Variants in DNAAF4 observed in about 807,000 individuals in gnomAD.
DNAAF4 encodes dynein assembly factor 4, axonemal.
DNAAF4 carries 43 observed loss-of-function variants against 51.8 expected under a neutral mutation model. That is an observed-to-expected ratio of 0.83 (90% confidence interval 0.65 to 1.07). DNAAF4 has a LOEUF of 1.07. DNAAF4 is among the 50% of genes least tolerant of loss of function. The pLI is 0.00. For synonymous variants in DNAAF4, 194 were observed against 165.6 expected, an observed-to-expected ratio of 1.17 and a Z score of -1.32; for missense variants, 581 against 493.0, an observed-to-expected ratio of 1.18 and a Z score of -1.69.
At chr15:55,501,186 C>G (rs1440014117) in intron 1 of DNAAF4, among the ~76,000 whole-genome samples, 1 of 149,656 alleles carries the variant, frequency 6.7e-6, no homozygotes, top group Non-Finnish European at 1.5e-5. Flanking sequence ...GCCTCAGCCT[C>G]CTGAGTAGCT....
At chr15:55,491,592 G>A (rs1200875173) in intron 3 of DNAAF4, among the ~76,000 whole-genome samples, 1 of 146,492 alleles carries the variant, frequency 6.8e-6, no homozygotes, top group African/African-American at 2.5e-5. Flanking sequence ...AGAAACTAGG[G>A]CTATTTGCTT....
At chr15:55,422,441 G>A (rs2057396635) in intron 7 of DNAAF4, among the ~76,000 whole-genome samples, 1 of 152,142 alleles carries the variant, frequency 6.6e-6, no homozygotes, top group African/African-American at 2.4e-5. Flanking sequence ...AGTGTAGGTA[G>A]AAAACAGACC....
At position 55,450,246 on chromosome 15, in the gene DNAAF4, T is replaced by C. The variant is rs758622057; in HGVS notation, c.759A>G (p.Glu253=). 1 of 1,612,710 alleles carries C rather than the reference T, an allele frequency of 6.2e-7. No individual in the cohort carries two copies. Among genetic ancestry groups the C allele is most frequent in the Non-Finnish European group, 8.5e-7 (1 of 1,179,744 alleles). The change falls in exon 6 of 10, where the codon GAA becomes GAG. Residue 253 remains glutamate (E), a synonymous_variant. Coordinates refer to ENST00000321149, the MANE Select transcript of DNAAF4 (RefSeq NM_130810.4). ...TPRVFPTALR[E]SQVAEEEEWL... ...CCTCCTCCTCTTCTGCTACTTGTGA[T>C]TCACGAAGAGCTGTTGGGAATACTC...
At chr15:55,433,820 TTA>T (rs1178501457) in intron 8 of DNAAF4, among the ~76,000 whole-genome samples, 7 of 86,082 alleles carry the variant, frequency 8.1e-5, no homozygotes, top group Admixed American at 4.0e-4. Flanking sequence ...ATAATATATA[TTA>T]TATATATTAC....
chr15:55,434,808 C>T (rs1431457869), intron 8 of DNAAF4, 97 bp downstream of exon 8: 1 of 1,042,002 alleles, frequency 9.6e-7, no homozygotes, highest in African/African-American at 1.7e-5. Context: ...ATCTTTGCAT[C>T]TCAATTATTT....
intron 5 of DNAAF4, among the ~76,000 whole-genome samples, chr15:55,452,812 C>T (rs190724099): frequency 1.1e-3 from 160 of 152,232 alleles, no homozygotes; most frequent in African/African-American, 3.6e-3. Context: ...ATTTTAGATG[C>T]AAATAGATTA....
At chr15:55,450,123 A>C in intron 6 of DNAAF4, 99 bp downstream of exon 6, 5 of 1,278,064 alleles carry the variant, frequency 3.9e-6, no homozygotes, top group East Asian at 2.5e-5. Flanking sequence ...TAGTGTAATA[A>C]ATACTTAAGA....
rs755135568 is a variant in DNAAF4, at chr15:55,467,136, A to AT, written c.430dup (p.Ile144AsnfsTer8). On this transcript the variant is annotated frameshift_variant, in exon 5 of 10. Coordinates refer to ENST00000321149, the MANE Select transcript of DNAAF4 (RefSeq NM_130810.4). LOFTEE classifies it high-confidence loss of function. ...CCGTTCATTTTCTTTCATATCTTCTATTTTTTTCCTCTCTTCTTCTTCAAT... is the reference window on the plus strand; with the variant it reads ...CCGTTCATTTTCTTTCATATCTTCTATTTTTTTTCCTCTCTTCTTCTTCAAT... 7.1e-6 allele frequency: 11 copies of AT among 1,538,654 alleles called. No individual in the cohort carries two copies. The highest frequency in any genetic ancestry group is 9.6e-6 in the Non-Finnish European group (11 of 1,147,614).
chr15:55,448,752 C>A lies in DNAAF4; in HGVS notation c.783+1470G>T, dbSNP rs2057882958. On this transcript the variant is annotated intron_variant, in intron 6 of 9. Transcript: ENST00000321149. ...GGGCGTGGCGGTGGGCACCTGTAGT[C>A]CCAGCTACTCGGGAGGCTGAGGCAA... 2.0e-5 allele frequency among the ~76,000 whole-genome samples: 3 copies of A among 151,200 alleles called. No individual in the cohort carries two copies. In the Admixed American group the frequency reaches 2.0e-4, roughly 10 times the overall value.
chr15:55,503,268 T>G (rs919155096), intron 1 of DNAAF4, among the ~76,000 whole-genome samples: 3 of 152,102 alleles, frequency 2.0e-5, no homozygotes, highest in African/African-American at 7.2e-5. Flanking sequence ...GGCTCTGCAA[T>G]TGAAGCAATA....
chr15:55,505,464 C>A (rs939144113), intron 1 of DNAAF4, among the ~76,000 whole-genome samples: 4 of 152,126 alleles, frequency 2.6e-5, no homozygotes, highest in African/African-American at 9.7e-5. Context: ...GACACATGCA[C>A]ACGTATGTTT....
At chr15:55,457,431 A>G (rs1283549718) in intron 5 of DNAAF4, among the ~76,000 whole-genome samples, 1 of 152,050 alleles carries the variant, frequency 6.6e-6, no homozygotes, top group Non-Finnish European at 1.5e-5. Flanking sequence ...CCCAGACCCA[A>G]CTAACCTTGC....
At chr15:55,446,306 G>GA (rs1376635880) in intron 6 of DNAAF4, among the ~76,000 whole-genome samples, 2 of 116,994 alleles carry the variant, frequency 1.7e-5, no homozygotes, top group African/African-American at 7.3e-5. Context: ...CGGGGGGGGG[G>GA]GGCAGCTGGG....
At chr15:55,498,920 A>G (rs1235895093) in intron 1 of DNAAF4, among the ~76,000 whole-genome samples, 3 of 151,094 alleles carry the variant, frequency 2.0e-5, no homozygotes, top group Admixed American at 6.6e-5. Context: ...TCAAAAAAAA[A>G]AAAAGAAAAG....
intron 8 of DNAAF4, among the ~76,000 whole-genome samples, chr15:55,433,969 T>TATAATA (rs2057559989): frequency 2.4e-4 from 11 of 46,514 alleles, no homozygotes; most frequent in Admixed American, 1.9e-3. Context: ...ATATAATATA[T>TATAATA]TTTATATATT....
intron 5 of DNAAF4, among the ~76,000 whole-genome samples, chr15:55,457,710 A>C (rs1257584138): frequency 6.6e-6 from 1 of 152,162 alleles, no homozygotes; most frequent in Non-Finnish European, 1.5e-5. Context: ...GAGGTCCTGA[A>C]TCTGTCCACG....
At chr15:55,436,636 T>A (rs1054583771) in intron 7 of DNAAF4, among the ~76,000 whole-genome samples, 3 of 152,072 alleles carry the variant, frequency 2.0e-5, no homozygotes, top group Non-Finnish European at 4.4e-5. Flanking sequence ...CCACCCACCT[T>A]GGCCTCCCAG....
chr15:55,455,550 G>T (rs560080343), intron 5 of DNAAF4, among the ~76,000 whole-genome samples: 2 of 151,784 alleles, frequency 1.3e-5, no homozygotes, highest in South Asian at 4.2e-4. Flanking sequence ...TCCTGCCTCA[G>T]CCTCCTGAGT....
chr15:55,474,160 T>C (rs961935073), intron 4 of DNAAF4, among the ~76,000 whole-genome samples: 3 of 152,264 alleles, frequency 2.0e-5, no homozygotes, highest in Admixed American at 2.0e-4. Context: ...AATTGCATCA[T>C]TTGCAAATAA....
Sources: allele counts gnomAD v4.1 joint callset (sites outside exome capture counted in the v4.1 genomes callset), GRCh38; gene constraint gnomAD v4.1.1; transcripts MANE v1.5; gene names NCBI Gene and HGNC (gene_info 2026-07-23, HGNC 2026-07-21).